The following SOD2 variants were observed in gnomAD, a reference collection of about 807,000 sequenced individuals.
The protein encoded by SOD2 is superoxide dismutase [Mn], mitochondrial.
Under a neutral mutation model 27.0 loss-of-function variants are expected in SOD2, and 11 were observed. The observed-to-expected ratio is 0.41, with a 90% confidence interval of 0.26 to 0.67. The LOEUF is 0.67. SOD2 is among the 30% of genes least tolerant of loss of function. The probability of loss-of-function intolerance (pLI) is 0.34; values close to 1 mark genes in which losing one functional copy is unlikely to be tolerated. For synonymous variants in SOD2, 105 were observed against 103.0 expected, an observed-to-expected ratio of 1.02 and a Z score of -0.12; for missense variants, 250 against 274.5, an observed-to-expected ratio of 0.91 and a Z score of 0.63.
At position 159,677,406 on chromosome 6, in the gene SOD2, G is replaced by A. The variant is rs1191288480; in HGVS notation, c.*5087C>T. 1 of 152,104 alleles carries A rather than the reference G, an allele frequency of 6.6e-6. No homozygotes were observed. The highest frequency in any genetic ancestry group is 2.4e-5 in the African/African-American group (1 of 41,394). 9.4% of individuals were successfully genotyped at this position (152,104 alleles called of 1,614,324 possible). On this transcript the variant is annotated 3_prime_UTR_variant, in exon 5 of 5. Coordinates refer to ENST00000538183, the MANE Select transcript of SOD2 (RefSeq NM_000636.4). ...GACAGCATGACTTCACCCTAGACAGGTCATGCCAACTTCACATCCCTTTCC... is the reference window on the plus strand; with the variant it reads ...GACAGCATGACTTCACCCTAGACAGATCATGCCAACTTCACATCCCTTTCC...
At chr6:159,709,311 C>T (rs1048991327) in intron 1 of SOD2, among the ~76,000 whole-genome samples, 10 of 152,112 alleles carry the variant, frequency 6.6e-5, no homozygotes, top group Non-Finnish European at 1.0e-4. Flanking sequence ...AAAAAAACTA[C>T]CATTAGACTG....
At position 159,678,240 on chromosome 6, in the gene SOD2, T is replaced by G. The variant is rs1218665598; in HGVS notation, c.*4253A>C. 6.6e-6 allele frequency: 1 copy of G among 152,234 alleles called. No individual in the cohort carries two copies. Among genetic ancestry groups the G allele is most frequent in the Non-Finnish European group, 1.5e-5 (1 of 68,098 alleles). The allele number at this position is 152,234 out of a possible 1,614,324, so 9.4% of individuals were successfully genotyped here. A position where few individuals can be genotyped will look rare whatever the true frequency, so the allele number is the denominator to read the frequency against. ...TCATCTGTATTCTTTGAAATATCCT[T>G]TACAAGCCAGAGGCAATGGCTCACA... On this transcript the variant is annotated 3_prime_UTR_variant, in exon 5 of 5. Transcript: ENST00000538183.
At chr6:159,739,857 T>G (rs1054835349) in intron 1 of SOD2, among the ~76,000 whole-genome samples, 159 of 93,194 alleles carry the variant, frequency 1.7e-3, no homozygotes, top group African/African-American at 6.6e-3. Flanking sequence ...TTTTTTTTTT[T>G]GCCATAATCT....
chr6:159,759,872 A>G lies in SOD2; in HGVS notation c.-336+1165T>C, dbSNP rs1263975714. On this transcript the variant is annotated intron_variant, in intron 1 of 7. Transcript: ENST00000546087. ...TCTAGATAGAGCCTTCAGGCAGGAA[A>G]CTCTATATCCCTTGGCTCCAGAAGA... Among the ~76,000 whole-genome samples the G allele has an allele frequency of 2.0e-5, 3 of 151,978 alleles. No individual in the cohort carries two copies. In the East Asian group the frequency reaches 5.8e-4, roughly 29 times the overall value.
intron 1 of SOD2, among the ~76,000 whole-genome samples, chr6:159,720,965 C>T (rs1333545980): frequency 2.8e-5 from 4 of 142,430 alleles, no homozygotes; most frequent in Non-Finnish European, 6.0e-5. Context: ...AAGTGATTCT[C>T]CTGCCTCAGC....
intron 1 of SOD2, among the ~76,000 whole-genome samples, chr6:159,706,313 A>T (rs903468993): frequency 2.6e-5 from 4 of 152,204 alleles, no homozygotes; most frequent in Admixed American, 1.3e-4. Context: ...ATTAAAAGAC[A>T]CAGACTGGCA....
rs1185474888 is a variant in SOD2, at chr6:159,671,511, A to AC, written c.*10981dup. The AC allele has an allele frequency of 1.8e-4, 28 of 152,610 alleles. No homozygotes were observed. Among genetic ancestry groups the AC allele is most frequent in the African/African-American group, 6.7e-4 (28 of 41,600 alleles). 9.5% of individuals were successfully genotyped at this position (152,610 alleles called of 1,614,324 possible). A position where few individuals can be genotyped will look rare whatever the true frequency, so the allele number is the denominator to read the frequency against. The stretch of plus-strand genomic sequence containing the variant: ...TGGCGTGGACGTCCAGCAAACTCCA[A>AC]CAGACCTGCAGCTGGCGGTCCTGAC... On this transcript the variant is annotated 3_prime_UTR_variant, in exon 5 of 5. Coordinates refer to ENST00000538183, the MANE Select transcript of SOD2 (RefSeq NM_000636.4).
intron 1 of SOD2, among the ~76,000 whole-genome samples, chr6:159,737,151 G>A (rs1013279974): frequency 8.6e-5 from 13 of 152,036 alleles, no homozygotes; most frequent in African/African-American, 3.1e-4. Context: ...GGGCTCAAGC[G>A]ATCATCCCAC....
exon 1 of SOD2, chr6:159,762,020 T>C: frequency 1.3e-6 from 2 of 1,574,614 alleles, no homozygotes; most frequent in Non-Finnish European, 1.7e-6. Flanking sequence ...GGCAGGCCTG[T>C]GGGCTGCGAG....
intron 1 of SOD2, chr6:159,736,863 A>C (rs1239046946): frequency 1.3e-5 from 2 of 152,184 alleles, no homozygotes; most frequent in South Asian, 4.1e-4. Context: ...GTTATAAAAG[A>C]GGTAACATCG....
At position 159,680,566 on chromosome 6, in the gene SOD2, T is replaced by A. The variant is rs895843755; in HGVS notation, c.*1927A>T. 1 of 150,402 alleles carries A rather than the reference T, an allele frequency of 6.6e-6. No homozygotes were observed. Among genetic ancestry groups the A allele is most frequent in the African/African-American group, 2.4e-5 (1 of 40,850 alleles). The allele number at this position is 150,402 out of a possible 1,614,324, so 9.3% of individuals were successfully genotyped here. On this transcript the variant is annotated 3_prime_UTR_variant, in exon 5 of 5. Coordinates refer to ENST00000538183, the MANE Select transcript of SOD2 (RefSeq NM_000636.4). ...ACCCCATTTTTCCATGAAAAAAAAA[T>A]AGAAAAATAAACTTGGGGAAAAAAT...
At chr6:159,712,319 A>G (rs539817456) in intron 1 of SOD2, among the ~76,000 whole-genome samples, 8 of 143,418 alleles carry the variant, frequency 5.6e-5, no homozygotes, top group Non-Finnish European at 9.1e-5. Context: ...CACCACTCAC[A>G]CTGCTCTGAT....
In SOD2 at chr6:159,688,203, T is replaced by A; in HGVS notation, c.266A>T (p.Lys89Met). The change falls in exon 3 of 5, where the codon AAG becomes ATG. Residue 89 changes from lysine (K) to methionine (M), a missense_variant. By Grantham distance (95) the Lys-to-Met change is moderately conservative. Coordinates refer to ENST00000538183, the MANE Select transcript of SOD2 (RefSeq NM_000636.4). The stretch of plus-strand genomic sequence containing the variant: ...ATTGATATGACCACCACCATTGAAC[T>A]TCAGTGCAGGCTGAAGAGCTATCTG... ...TAQIALQPAL[K>M]FNGGGHINHS... 6.2e-7 allele frequency: 1 copy of A among 1,613,782 alleles called. No individual in the cohort carries two copies. The highest frequency in any genetic ancestry group is 8.5e-7 in the Non-Finnish European group (1 of 1,179,660).
At chr6:159,750,996 T>A (rs1242979512) in intron 1 of SOD2, among the ~76,000 whole-genome samples, 1 of 152,280 alleles carries the variant, frequency 6.6e-6, no homozygotes, top group Non-Finnish European at 1.5e-5. Flanking sequence ...TTAAAATATT[T>A]CATTCATGTG....
intron 1 of SOD2, chr6:159,753,218 T>C (rs993639185): frequency 2.0e-6 from 1 of 502,848 alleles, no homozygotes; most frequent in South Asian, 2.2e-5. Flanking sequence ...ATTATTGATG[T>C]AATAGAAACA....
At chr6:159,745,596 G>A (rs1779527801), upstream of SOD2, among the ~76,000 whole-genome samples, 1 of 152,134 alleles carries the variant, frequency 6.6e-6, no homozygotes, top group Non-Finnish European at 1.5e-5. Context: ...TGAGGATAAA[G>A]TTTCAGGTGA....
upstream of SOD2, among the ~76,000 whole-genome samples, chr6:159,697,080 C>T (rs911723244): frequency 6.0e-5 from 9 of 149,476 alleles, no homozygotes; most frequent in Non-Finnish European, 1.3e-4. Flanking sequence ...CACACACACA[C>T]GCAGTCAGCT....
At chr6:159,685,122 T>C in intron 3 of SOD2, 89 bp from the exon 4 acceptor site, 1 of 908,202 alleles carries the variant, frequency 1.1e-6, no homozygotes. Flanking sequence ...TAAAATATTT[T>C]TGTCATAGGG....
At chr6:159,723,818 G>A (rs1778087464) in intron 1 of SOD2, among the ~76,000 whole-genome samples, 1 of 152,138 alleles carries the variant, frequency 6.6e-6, no homozygotes, top group East Asian at 1.9e-4. Flanking sequence ...TAGTGCACTG[G>A]TGAGATCACA....
Sources: gnomAD v4.1 joint callset for allele counts (sites outside exome capture counted in the v4.1 genomes callset) on GRCh38, gnomAD v4.1.1 for gene constraint, MANE v1.5 for transcripts, NCBI Gene and HGNC (gene_info 2026-07-23, HGNC 2026-07-21) for gene names.